NPR1: variants seen among roughly 807,000 people sequenced by gnomAD.
NPR1 encodes natriuretic peptide receptor 1, also known as atrial natriuretic peptide receptor 1.
Under a neutral mutation model 116.9 loss-of-function variants are expected in NPR1, and 57 were observed. That is an observed-to-expected ratio of 0.49 (90% CI 0.39 to 0.61). NPR1 has a LOEUF of 0.61. NPR1 is among the 20% of genes least tolerant of loss of function. NPR1 has a pLI of 0.00. For missense variants in NPR1, 1,096 were observed against 1,409.8 expected, an observed-to-expected ratio of 0.78 and a Z score of 3.56; for synonymous variants, 555 against 601.6, an observed-to-expected ratio of 0.92 and a Z score of 1.13.
rs1203303456 is a variant in NPR1 at position 153,686,916 on chromosome 1, T to C, written c.1864-100T>C. On this transcript the variant is annotated intron_variant, in intron 11 of 21. Transcript: ENST00000368680. ...GTGGCACTAGAGTCAATCCAAAGTT[T>C]TGTCCTGTTCTACCAGTTCACATCA... 2.2e-6 allele frequency: 3 copies of C among 1,370,228 alleles called. No homozygotes were observed. The East Asian group carries it at 6.9e-5, about 32-fold the overall frequency. 84.9% of individuals were successfully genotyped at this position (1,370,228 alleles called of 1,614,324 possible). A position where few individuals can be genotyped will look rare whatever the true frequency, so the allele number is the denominator to read the frequency against.
rs758629533 is a variant in NPR1, at chr1:153,689,549, G to A, written c.2757+28G>A. 1.7e-5 allele frequency: 27 copies of A among 1,596,464 alleles called. No homozygotes were observed. In the Middle Eastern group the frequency reaches 1.8e-3, roughly 107 times the overall value. Reference sequence around the variant, plus strand: ...GAGGGTGGGAGTGGGGATGGGAAGGGACAGACAGACATGGACAAGGTCAGA... The same window carrying A: ...GAGGGTGGGAGTGGGGATGGGAAGGAACAGACAGACATGGACAAGGTCAGA... On this transcript the variant is annotated intron_variant, in intron 18 of 21. Coordinates refer to ENST00000368680, the MANE Select transcript of NPR1 (RefSeq NM_000906.4). The surrounding 1 kb of genome is among the most constrained non-coding windows in gnomAD (Gnocchi z 5.1).
intron 11 of NPR1, 131 bp downstream of exon 11, chr1:153,686,881 G>T: frequency 8.0e-7 from 1 of 1,253,144 alleles, no homozygotes; most frequent in East Asian, 2.4e-5. Flanking sequence ...ATGGGAGTTG[G>T]GGAAGGGCAG....
In NPR1 at chr1:153,680,632, G is replaced by C. The variant is rs368522064; in HGVS notation, c.853G>C (p.Gly285Arg). 17 of 1,614,164 alleles carry C rather than the reference G, an allele frequency of 1.1e-5. No homozygotes were observed. Among genetic ancestry groups the C allele is most frequent in the Non-Finnish European group, 1.3e-5 (15 of 1,180,020 alleles). The part of the protein sequence containing the change: ...IFGQSLQGGQ[G>R]PAPRRPWERG... The stretch of plus-strand genomic sequence containing the variant: ...TGGGCAAAGCCTGCAAGGTGGACAG[G>C]GCCCTGCTCCCCGCAGGCCCTGGGA... Residue 285 changes from glycine (G) to arginine (R), a missense_variant, in exon 2 of 22, where the codon GGC becomes CGC. By Grantham distance (125) the Gly-to-Arg change is moderately radical. Transcript: ENST00000368680.
Position 153,688,126 on chromosome 1 carries a change from G to A in NPR1, c.2322G>A (p.Glu774=), listed in dbSNP as rs1669984372. Residue 774 remains glutamate (E), a synonymous_variant, in exon 15 of 22, where the codon GAG becomes GAA. Transcript: ENST00000368680. ...RPSLALQSHL[E]ELGLLMQRCW... ...CCCTGGCCCTGCAGAGTCACCTGGA[G>A]GAGTTGGGGCTGCTCATGCAGCGGT... 1 of 1,613,734 alleles carries A rather than the reference G, an allele frequency of 6.2e-7. No homozygotes were observed. Among genetic ancestry groups the A allele is most frequent in the African/African-American group, 1.3e-5 (1 of 74,866 alleles).
chr1:153,691,885 T>TA, intron 20 of NPR1, among the ~76,000 whole-genome samples: 1 of 128,230 alleles, frequency 7.8e-6, no homozygotes, highest in Admixed American at 7.2e-5. Flanking sequence ...AGACTCTGTC[T>TA]CAAAAAAAAA....
chr1:153,686,145 G>A lies in NPR1; in HGVS notation c.1703G>A (p.Arg568His), dbSNP rs750028514. 43 of 1,614,120 alleles carry A rather than the reference G, an allele frequency of 2.7e-5. No individual in the cohort carries two copies. In the East Asian group the frequency reaches 7.8e-4, roughly 29 times the overall value. Residue 568 changes from arginine (R) to histidine (H), a missense_variant, in exon 10 of 22, where the codon CGT (arginine) becomes CAT (histidine). Transcript: ENST00000368680. ...CAGGGCAACCTCGTGGCTGTGAAAC[G>A]TGTGAACCGTAAACGCATTGAGCTG... ...YYKGNLVAVKRVNRKRIELTR... is the reference protein window; with the variant it reads ...YYKGNLVAVKHVNRKRIELTR...
intron 8 of NPR1, 125 bp from the exon 9 acceptor site, chr1:153,685,681 C>A: frequency 5.3e-6 from 4 of 754,490 alleles, no homozygotes; most frequent in African/African-American, 1.8e-5. Context: ...AACCCAACAA[C>A]AAAAAGGAAG....
At position 153,679,506 on chromosome 1, in the gene NPR1, G is replaced by A. The variant is rs1308067273; in HGVS notation, c.398G>A (p.Arg133Gln). ...GTGGGGCGCTTCACCGCGCACTGGC[G>A]GGTCCCGCTGCTGACCGCCGGCGCC... ...APVGRFTAHW[R>Q]VPLLTAGAPA... is the part of the protein sequence containing the mutation. The change falls in exon 1 of 22, where the codon CGG becomes CAG. Residue 133 changes from arginine to glutamine, a missense_variant. Transcript: ENST00000368680. This position sits in a 1 kb window ranked among gnomAD's most constrained non-coding sequence, Gnocchi z 4.2. 1.3e-6 allele frequency: 2 copies of A among 1,536,416 alleles called. No homozygotes were observed. Among genetic ancestry groups the A allele is most frequent in the Non-Finnish European group, 1.7e-6 (2 of 1,146,000 alleles).
In NPR1 at chr1:153,693,663, G is replaced by A. The variant is rs575861312; in HGVS notation, c.*249G>A. ...CACAGGGACACTCACACAGGCACAC[G>A]CACCTGCTCTCCACCTGGACTCAGG... On this transcript the variant is annotated 3_prime_UTR_variant, in exon 22 of 22. Coordinates refer to ENST00000368680, the MANE Select transcript of NPR1 (RefSeq NM_000906.4). 7 of 437,380 alleles carry A rather than the reference G, an allele frequency of 1.6e-5. No individual in the cohort carries two copies. The highest frequency in any genetic ancestry group is 2.4e-5 in the Non-Finnish European group (6 of 250,040). 27.1% of individuals were successfully genotyped at this position (437,380 alleles called of 1,614,324 possible).
At position 153,690,375 on chromosome 1, in the gene NPR1, T is replaced by C. The variant is rs1670072474; in HGVS notation, c.3024T>C (p.Asn1008=). ...ACACAGCCTCAAGAATGGAGTCTAA[T>C]GGGGAAGGTACAGTGCCCCCTCCTA... The part of the protein sequence containing the change: ...TVNTASRMES[N]GEALKIHLSS... Residue 1008 remains asparagine, a synonymous_variant, in exon 20 of 22, where the codon AAT becomes AAC. Coordinates refer to ENST00000368680, the MANE Select transcript of NPR1 (RefSeq NM_000906.4). 3 of 1,556,242 alleles carry C rather than the reference T, an allele frequency of 1.9e-6. No individual in the cohort carries two copies. The African/African-American group carries it at 4.1e-5, about 21-fold the overall frequency.
At chr1:153,692,086 C>T (rs57304273) in intron 20 of NPR1, among the ~76,000 whole-genome samples, 9,409 of 152,008 alleles carry the variant, frequency 0.062, 936 homozygotes, top group African/African-American at 0.21. Flanking sequence ...CTCAGTTCCT[C>T]GGCCACAAAA....
At chr1:153,681,317 C>G (rs750702837) in intron 3 of NPR1, 24 bp downstream of exon 3, 1 of 1,325,422 alleles carries the variant, frequency 7.5e-7, no homozygotes, top group East Asian at 2.3e-5. Flanking sequence ...CCGGGACCCT[C>G]CAGCGTGGAC....
chr1:153,684,369 A>G (rs1051193536), intron 7 of NPR1, among the ~76,000 whole-genome samples: 6 of 149,814 alleles, frequency 4.0e-5, no homozygotes, highest in African/African-American at 1.5e-4. Flanking sequence ...ACTTCCACGT[A>G]CACTATTTCT....
chr1:153,690,569 C>T (rs777904790), intron 20 of NPR1, among the ~76,000 whole-genome samples, 187 bp downstream of exon 20: 9 of 152,044 alleles, frequency 5.9e-5, no homozygotes, highest in Admixed American at 5.2e-4. Context: ...GACTCAGGTT[C>T]CTGCTGCCCC....
Position 153,690,068 on chromosome 1 carries a change from ATCTCTCTCTCTCTCTC to A in NPR1, c.2932+112_2932+127del, listed in dbSNP as rs1189924933. On this transcript the variant is annotated intron_variant, in intron 19 of 21. Coordinates refer to ENST00000368680, the MANE Select transcript of NPR1 (RefSeq NM_000906.4). The stretch of plus-strand genomic sequence containing the variant: ...CCCTGGCCCAGCCCCTCGCCCTTTC[ATCTCTCTCTCTCTCTC>A]TCTCTCTCTCTCTCTCTCTCTCTGT... 63 of 680,256 alleles carry A rather than the reference ATCTCTCTCTCTCTCTC, an allele frequency of 9.3e-5. No homozygotes were observed. The Middle Eastern group carries it at 1.2e-3, about 13-fold the overall frequency. The allele number at this position is 680,256 out of a possible 1,614,324, so 42.1% of individuals were successfully genotyped here. A position where few individuals can be genotyped will look rare whatever the true frequency, so the allele number is the denominator to read the frequency against.
chr1:153,686,532 A>G (rs936738361), intron 10 of NPR1, 114 bp from the exon 11 acceptor site: 2 of 876,842 alleles, frequency 2.3e-6, no homozygotes, highest in Non-Finnish European at 3.7e-6. Context: ...GATCTTAGTG[A>G]TGGTTGCAGA....
intron 9 of NPR1, 27 bp downstream of exon 9, chr1:153,685,907 C>A: frequency 6.3e-7 from 1 of 1,597,230 alleles, no homozygotes. Flanking sequence ...ATCACTGGGC[C>A]TTGGGACTGG....
At chr1:153,691,343 G>A (rs753442347) in intron 20 of NPR1, among the ~76,000 whole-genome samples, 22 of 152,076 alleles carry the variant, frequency 1.4e-4, no homozygotes, top group Non-Finnish European at 2.5e-4. Context: ...TGCTGTATTC[G>A]ACACAATTCA....
At position 153,687,223 on chromosome 1, in the gene NPR1, G is replaced by A. The variant is rs746589497; in HGVS notation, c.1959G>A (p.Gly653=). ...IVKGMLFLHN[G]AICSHGNLKS... is the part of the protein sequence containing the mutation. ...AGGGCATGCTGTTTCTACACAATGG[G>A]GCTATCTGTTCCCATGGGAACCTCA... Residue 653 remains glycine, a synonymous_variant, in exon 13 of 22, where the codon GGG becomes GGA. Coordinates refer to ENST00000368680, the MANE Select transcript of NPR1 (RefSeq NM_000906.4). 2.5e-6 allele frequency: 4 copies of A among 1,614,008 alleles called. No individual in the cohort carries two copies. Among genetic ancestry groups the A allele is most frequent in the Non-Finnish European group, 3.4e-6 (4 of 1,179,994 alleles).
Sources: allele counts gnomAD v4.1 joint callset (sites outside exome capture counted in the v4.1 genomes callset), GRCh38; gene constraint gnomAD v4.1.1; non-coding constraint Gnocchi (gnomAD v3.1); transcripts MANE v1.5; gene names NCBI Gene and HGNC (gene_info 2026-07-23, HGNC 2026-07-21).